ANAPC1: variants seen among roughly 807,000 people sequenced by gnomAD.
ANAPC1 encodes the protein anaphase promoting complex subunit 1.
A neutral mutation model predicts 208.0 loss-of-function variants in ANAPC1; 36 were observed. That is an observed-to-expected ratio of 0.17 (90% CI 0.13 to 0.23). The LOEUF (loss-of-function observed/expected upper bound fraction) is 0.23. Ranked by LOEUF, ANAPC1 falls within the 10% of genes least tolerant of loss-of-function variation. The probability of loss-of-function intolerance (pLI) is 1.00; values close to 1 mark genes in which losing one functional copy is unlikely to be tolerated. For synonymous variants in ANAPC1, 378 were observed against 695.2 expected (o/e 0.54, Z 7.18); for missense variants, 942 against 2,011.6 (o/e 0.47, Z 10.17).
chr2:111,834,310 C>A (rs184473951), intron 19 of ANAPC1, among the ~76,000 whole-genome samples: 31 of 152,330 alleles, frequency 2.0e-4, no homozygotes, highest in African/African-American at 7.5e-4. Context: ...ACTCCCACCG[C>A]AGTATAGCCA....
intron 17 of ANAPC1, among the ~76,000 whole-genome samples, chr2:111,842,971 C>T (rs1680848103): frequency 2.6e-5 from 4 of 152,176 alleles, no homozygotes; most frequent in Admixed American, 6.5e-5. Context: ...CCTTCCTCTT[C>T]ACATCCCAAG....
At chr2:111,848,793 C>T (rs1379821953) in intron 14 of ANAPC1, among the ~76,000 whole-genome samples, 1 of 150,562 alleles carries the variant, frequency 6.6e-6, no homozygotes, top group Non-Finnish European at 1.5e-5. Context: ...AAAAAAAAGA[C>T]TAAACTGTGA....
At chr2:111,870,109 CTCA>C (rs1004580616) in intron 6 of ANAPC1, among the ~76,000 whole-genome samples, 3 of 152,216 alleles carry the variant, frequency 2.0e-5, no homozygotes, top group Admixed American at 6.5e-5. Flanking sequence ...TCTTTATTCA[CTCA>C]TTGGTCAATG....
intron 38 of ANAPC1, among the ~76,000 whole-genome samples, chr2:111,788,674 A>AATGTATATGCCT (rs60157849): frequency 6.6e-6 from 1 of 150,850 alleles, no homozygotes; most frequent in African/African-American, 2.5e-5. Flanking sequence ...CAATTTTATT[A>AATGTATATGCCT]ATGTATATGC....
intron 14 of ANAPC1, among the ~76,000 whole-genome samples, chr2:111,849,816 C>T: frequency 6.6e-6 from 1 of 151,662 alleles, no homozygotes; most frequent in Non-Finnish European, 1.5e-5. Context: ...TATCTTTAAT[C>T]CCAAAATACA....
intron 9 of ANAPC1, among the ~76,000 whole-genome samples, chr2:111,862,987 A>G (rs1288235782): frequency 1.3e-5 from 2 of 151,718 alleles, no homozygotes; most frequent in Non-Finnish European, 2.9e-5. Flanking sequence ...ATATCTATAT[A>G]GAGAAATAGA....
chr2:111,850,791 AAGG>A lies in ANAPC1; in HGVS notation c.1632_1634del (p.Leu545del). 6.2e-7 allele frequency: 1 copy of A among 1,611,918 alleles called. No homozygotes were observed. Among genetic ancestry groups the A allele is most frequent in the East Asian group, 2.2e-5 (1 of 44,868 alleles). The stretch of plus-strand genomic sequence containing the variant: ...CTTTTCTTACCTCGTCCAATGATCC[AAGG>A]AGTTTACTAAGAGGCTTTGGAGTAC... On this transcript the variant is annotated inframe_deletion, in exon 14 of 48. Transcript: ENST00000341068.
At position 111,860,788 on chromosome 2, in the gene ANAPC1, C is replaced by T. The variant is rs1249643708; in HGVS notation, c.1262+1601G>A. ...AGTTCCTAGCCCTCTTCTCATTCTA[C>T]ACCACTGGATTTTAACTATTTGGAG... On this transcript the variant is annotated intron_variant, in intron 10 of 47. Transcript: ENST00000341068. Among the ~76,000 whole-genome samples, 16 of 150,390 alleles carry T rather than the reference C, an allele frequency of 1.1e-4. 1 individual carries two copies. Among genetic ancestry groups the T allele is most frequent in the Non-Finnish European group, 8.9e-5 (6 of 67,550 alleles).
chr2:111,821,291 C>T lies in ANAPC1; in HGVS notation c.3154G>A (p.Val1052Met), dbSNP rs1412053988. The T allele has an allele frequency of 5.0e-6, 8 of 1,612,496 alleles. No individual in the cohort carries two copies. The Admixed American group carries it at 1.0e-4, about 20-fold the overall frequency. Residue 1052 changes from valine to methionine, a missense_variant, in exon 26 of 48, where the codon GTG (valine) becomes ATG (methionine). Transcript: ENST00000341068. ...QSAHPVRVNVVQYPELSDHEF... is the reference protein window; with the variant it reads ...QSAHPVRVNVMQYPELSDHEF... ...TGGTCACTGAGCTCTGGGTACTGCA[C>T]TACGTTGACACGGACAGGATGCGCA...
At chr2:111,862,133 G>C (rs1323396939) in intron 10 of ANAPC1, among the ~76,000 whole-genome samples, 2 of 151,110 alleles carry the variant, frequency 1.3e-5, no homozygotes, top group Non-Finnish European at 2.9e-5. Context: ...CGAACTCCTA[G>C]GCTCAAGTGA....
chr2:111,784,019 G>A (rs577213586), intron 41 of ANAPC1, 55 bp from the exon 42 acceptor site: 46 of 708,650 alleles, frequency 6.5e-5, no homozygotes, highest in African/African-American at 4.6e-4. Context: ...ATGCTCATCT[G>A]ACAAACTGAA....
At chr2:111,849,765 A>G (rs1186277299) in intron 14 of ANAPC1, among the ~76,000 whole-genome samples, 2 of 151,478 alleles carry the variant, frequency 1.3e-5, no homozygotes, top group Non-Finnish European at 2.9e-5. Flanking sequence ...TACTTCTTAA[A>G]CTGACACAGA....
intron 16 of ANAPC1, among the ~76,000 whole-genome samples, 175 bp from the exon 17 acceptor site, chr2:111,843,774 A>C (rs1218172515): frequency 1.3e-5 from 2 of 151,212 alleles, no homozygotes; most frequent in Non-Finnish European, 2.9e-5. Flanking sequence ...CTGAAACTAA[A>C]ACCAACTACT....
intron 13 of ANAPC1, among the ~76,000 whole-genome samples, chr2:111,852,925 G>C (rs995137360): frequency 6.6e-6 from 1 of 151,974 alleles, no homozygotes; most frequent in African/African-American, 2.4e-5. Context: ...GAGGTCATGG[G>C]TGCAGTGAGC....
rs6742515 is a variant in ANAPC1 at position 111,867,998 on chromosome 2, T to C, written c.685+25A>G. 0.64 allele frequency: 953,138 copies of C among 1,491,024 alleles called. 308,416 individuals carry two copies. The highest frequency in any genetic ancestry group is 0.69 in the South Asian group (51,272 of 73,822). The allele number at this position is 1,491,024 out of a possible 1,614,324, so 92.4% of individuals were successfully genotyped here. On this transcript the variant is annotated intron_variant, in intron 7 of 47. Transcript: ENST00000341068. ...AAAGTCAAAAAAAAAAGAGCTTATCTAAAAGAATATAGAAATACACTTACT... is the reference window on the plus strand; with the variant it reads ...AAAGTCAAAAAAAAAAGAGCTTATCCAAAAGAATATAGAAATACACTTACT...
Position 111,864,937 on chromosome 2 carries a change from A to G in ANAPC1, c.700T>C (p.Ser234Pro), listed in dbSNP as rs762081847. 3 of 1,611,112 alleles carry G rather than the reference A, an allele frequency of 1.9e-6. No individual in the cohort carries two copies. Among genetic ancestry groups the G allele is most frequent in the Non-Finnish European group, 2.5e-6 (3 of 1,179,590 alleles). ...TGATCTACAACATATTGCACCCGTG[A>G]TGAACCAAAAAGACCTTAAAAATAA... ...VCKSGSLFGS[S>P]RVQYVVDHAM... is the part of the protein sequence containing the mutation. The change falls in exon 8 of 48, where the codon TCA (serine) becomes CCA (proline). Residue 234 changes from serine to proline, a missense_variant. Ser to Pro is a moderately conservative substitution (Grantham distance 74, BLOSUM62 -1). Coordinates refer to ENST00000341068, the MANE Select transcript of ANAPC1 (RefSeq NM_022662.4).
rs1682879222 is a variant in ANAPC1, at chr2:111,873,682, T to C, written c.376-18A>G. 2 of 1,571,678 alleles carry C rather than the reference T, an allele frequency of 1.3e-6. No individual in the cohort carries two copies. Among genetic ancestry groups the C allele is most frequent in the Non-Finnish European group, 8.6e-7 (1 of 1,167,550 alleles). On this transcript the variant is annotated intron_variant, in intron 3 of 47. Transcript: ENST00000341068. Reference sequence around the variant, plus strand: ...CACAATGCCTAAAATCAAAACAAAATGCTTACCTAAGAAAATTATATCTAA... The same window carrying C: ...CACAATGCCTAAAATCAAAACAAAACGCTTACCTAAGAAAATTATATCTAA...
chr2:111,882,216 T>C (rs1483596535), intron 1 of ANAPC1, among the ~76,000 whole-genome samples: 3 of 151,472 alleles, frequency 2.0e-5, no homozygotes, highest in African/African-American at 7.3e-5. Context: ...AAAAAACCTC[T>C]AGACCTTAAC....
At chr2:111,875,536 T>C (rs1475397974) in intron 3 of ANAPC1, among the ~76,000 whole-genome samples, 1 of 152,162 alleles carries the variant, frequency 6.6e-6, no homozygotes, top group Admixed American at 6.5e-5. Context: ...AAGGCACCAA[T>C]CTTTTACCTG....
Sources: gnomAD v4.1 joint callset for allele counts (sites outside exome capture counted in the v4.1 genomes callset) on GRCh38, gnomAD v4.1.1 for gene constraint, MANE v1.5 for transcripts, NCBI Gene and HGNC (gene_info 2026-07-23, HGNC 2026-07-21) for gene names.